The following PGGHG variants were observed in gnomAD, a reference collection of about 807,000 sequenced individuals.
PGGHG encodes ATH1, acid trehalase-like 1.
Under a neutral mutation model 74.5 loss-of-function variants are expected in PGGHG, and 67 were observed. That is an observed-to-expected ratio of 0.90 (90% confidence interval 0.74 to 1.10). The LOEUF (loss-of-function observed/expected upper bound fraction) is 1.10, where lower values mean the gene tolerates loss of function less well. Ranked by LOEUF, PGGHG falls within the 50% of genes least tolerant of loss-of-function variation. The pLI, the probability that PGGHG is intolerant of heterozygous loss-of-function variation, is 0.00. For missense variants in PGGHG, 1,034 were observed against 981.5 expected (o/e 1.05, Z -0.72); for synonymous variants, 496 against 419.9 (o/e 1.18, Z -2.21).
intron 2 of PGGHG, 130 bp downstream of exon 2, chr11:290,205 G>C (rs1304120522): frequency 8.6e-6 from 12 of 1,400,686 alleles, no homozygotes; most frequent in Non-Finnish European, 1.1e-5. Context: ...GGAGGCCCCA[G>C]AGGCCCGCAG....
In PGGHG at chr11:291,046, T is replaced by C. The variant is rs1318723418; in HGVS notation, c.839T>C (p.Leu280Pro). Reference sequence around the variant, plus strand: ...GCCCCAGGATACATCTGCCATGGCCTCAGTCCTGGGGGCCTCTCCAATGGG... The same window carrying C: ...GCCCCAGGATACATCTGCCATGGCCCCAGTCCTGGGGGCCTCTCCAATGGG... ...PKAPGYICHGLSPGGLSNGSR... is the reference protein window; with the variant it reads ...PKAPGYICHGPSPGGLSNGSR... The change falls in exon 4 of 14, where the codon CTC becomes CCC. Residue 280 changes from leucine to proline, a missense_variant. Transcript: ENST00000409548. 3 of 1,611,688 alleles carry C rather than the reference T, an allele frequency of 1.9e-6. No individual in the cohort carries two copies. Among genetic ancestry groups the C allele is most frequent in the Admixed American group, 1.7e-5 (1 of 59,934 alleles).
chr11:289,378 C>T lies in PGGHG; in HGVS notation c.-14+139C>T, dbSNP rs1845648691. 1 of 145,332 alleles carries T rather than the reference C, an allele frequency of 6.9e-6. No individual in the cohort carries two copies. The highest frequency in any genetic ancestry group is 2.2e-4 in the South Asian group (1 of 4,514). 9.0% of individuals were successfully genotyped at this position (145,332 alleles called of 1,614,324 possible). ...CCCGAGACCCCCACCCGCCCGGCGC[C>T]CCGGCAGCCCCGGACTCCCTCCCCC... On this transcript the variant is annotated intron_variant, in intron 1 of 13. Coordinates refer to ENST00000409548, the MANE Select transcript of PGGHG (RefSeq NM_025092.5). This position sits in a 1 kb window ranked among gnomAD's most constrained non-coding sequence, Gnocchi z 5.6.
chr11:294,274 C>A lies in PGGHG; in HGVS notation c.1816C>A (p.Arg606=). 6.2e-7 allele frequency: 1 copy of A among 1,604,308 alleles called. No homozygotes were observed. The highest frequency in any genetic ancestry group is 1.1e-5 in the South Asian group (1 of 89,618). ...VFGCTGFRVT[R]AGVTFDPVCL... is the part of the protein sequence containing the mutation. Reference sequence around the variant, plus strand: ...AAGCCTCTCCTCCCACAGGGTCACCCGAGCGGGTGTGACCTTTGACCCTGT... The same window carrying A: ...AAGCCTCTCCTCCCACAGGGTCACCAGAGCGGGTGTGACCTTTGACCCTGT... The change falls in exon 13 of 14, where the codon CGA becomes AGA. Residue 606 remains arginine, a synonymous_variant. Transcript: ENST00000409548.
rs778793805 is a variant in PGGHG, at chr11:294,645, A to G, written c.2110A>G (p.Arg704Gly). The G allele has an allele frequency of 6.3e-7, 1 of 1,598,396 alleles. No individual in the cohort carries two copies. Among genetic ancestry groups the G allele is most frequent in the Non-Finnish European group, 8.5e-7 (1 of 1,172,456 alleles). The change falls in exon 14 of 14, where the codon AGG (arginine) becomes GGG (glycine). Residue 704 changes from arginine to glycine, a missense_variant. Coordinates refer to ENST00000409548, the MANE Select transcript of PGGHG (RefSeq NM_025092.5). ...AAGTTCCAGCTCCGAGTTCCCTGGG[A>G]GGACTTTTTCAGATGTTAGGGACCC... ...PGSSSSEFPG[R>G]TFSDVRDPLQ...
At chr11:291,887 G>A (rs963068993) in intron 4 of PGGHG, 89 bp from the exon 5 acceptor site, 40 of 1,484,672 alleles carry the variant, frequency 2.7e-5, no homozygotes, top group Admixed American at 2.2e-4. Context: ...AGACGCCAGC[G>A]ATGGAGCTCT....
Position 289,430 on chromosome 11 carries a change from C to T in PGGHG, c.-14+191C>T, listed in dbSNP as rs1845650655. 1 of 163,084 alleles carries T rather than the reference C, an allele frequency of 6.1e-6. No homozygotes were observed. Among genetic ancestry groups the T allele is most frequent in the Non-Finnish European group, 1.3e-5 (1 of 74,946 alleles). The allele number at this position is 163,084 out of a possible 1,614,324, so 10.1% of individuals were successfully genotyped here. On this transcript the variant is annotated intron_variant, in intron 1 of 13. Transcript: ENST00000409548. This position sits in a 1 kb window ranked among gnomAD's most constrained non-coding sequence, Gnocchi z 5.6. Reference sequence around the variant, plus strand: ...TCCCGCCCAGCGCTCCCCCCACCCTCCACACACGCCCGCCCCCACGTGCCA... The same window carrying T: ...TCCCGCCCAGCGCTCCCCCCACCCTTCACACACGCCCGCCCCCACGTGCCA...
Position 294,278 on chromosome 11 carries a change from C to T in PGGHG, c.1820C>T (p.Ala607Val), listed in dbSNP as rs200256618. 1.4e-5 allele frequency: 22 copies of T among 1,606,006 alleles called. No homozygotes were observed. The highest frequency in any genetic ancestry group is 1.3e-4 in the South Asian group (12 of 89,914). The change falls in exon 13 of 14, where the codon GCG (alanine) becomes GTG (valine). Residue 607 changes from alanine (A) to valine (V), a missense_variant. Ala to Val is a moderately conservative substitution (Grantham distance 64). Transcript: ENST00000409548. ...FGCTGFRVTR[A>V]GVTFDPVCLS... ...CTCTCCTCCCACAGGGTCACCCGAG[C>T]GGGTGTGACCTTTGACCCTGTGTGT...
Position 293,511 on chromosome 11 carries a change from A to G in PGGHG, c.1480+9A>G. 1.2e-6 allele frequency: 2 copies of G among 1,611,102 alleles called. No homozygotes were observed. Among genetic ancestry groups the G allele is most frequent in the Non-Finnish European group, 8.5e-7 (1 of 1,179,812 alleles). On this transcript the variant is annotated intron_variant, in intron 9 of 13. Transcript: ENST00000409548. ...CGATGGGTATGAGCCTGGTGAGTGG[A>G]CCCCTTCAAGGGCTCCTCCCCTGCC...
chr11:291,518 C>T, intron 4 of PGGHG: 1 of 253,386 alleles, frequency 3.9e-6, no homozygotes, highest in African/African-American at 2.2e-5. Context: ...GTACTGGAGG[C>T]CGACGGGGGT....
Position 294,255 on chromosome 11 carries a change from C to G in PGGHG, c.1809-12C>G, listed in dbSNP as rs1409424708. 1.3e-6 allele frequency: 2 copies of G among 1,597,330 alleles called. No individual in the cohort carries two copies. On this transcript the variant is annotated splice_polypyrimidine_tract_variant and intron_variant, in intron 12 of 13. Transcript: ENST00000409548. ...CCCCCACCTGCCACCTCACAAGCCT[C>G]TCCTCCCACAGGGTCACCCGAGCGG...
Position 290,870 on chromosome 11 carries a change from G to T in PGGHG, c.663G>T (p.Leu221=). 1 of 1,611,400 alleles carries T rather than the reference G, an allele frequency of 6.2e-7. No individual in the cohort carries two copies. Among genetic ancestry groups the T allele is most frequent in the Non-Finnish European group, 8.5e-7 (1 of 1,179,158 alleles). ...CCTGCCTCACTGAGGCCCTGCAGCTGCAGGCCAGGGGAGCTCTGTATACGG... is the reference window on the plus strand; with the variant it reads ...CCTGCCTCACTGAGGCCCTGCAGCTTCAGGCCAGGGGAGCTCTGTATACGG... The part of the protein sequence containing the change: ...AQACLTEALQ[L]QARGALYTAH... The change falls in exon 4 of 14, where the codon CTG becomes CTT. Residue 221 remains leucine, a synonymous_variant. Coordinates refer to ENST00000409548, the MANE Select transcript of PGGHG (RefSeq NM_025092.5).
At position 294,418 on chromosome 11, in the gene PGGHG, T is replaced by TG. The variant is rs1385011083; in HGVS notation, c.1963dup (p.Ala655GlyfsTer7). 2 of 1,578,392 alleles carry TG rather than the reference T, an allele frequency of 1.3e-6. No homozygotes were observed. Among genetic ancestry groups the TG allele is most frequent in the Non-Finnish European group, 1.7e-6 (2 of 1,160,650 alleles). ...GGAGGTCACAGCTCGAGCAGGGCCC[T>TG]GGGCTCCTCACCTGGAGGCTGAGCT... On this transcript the variant is annotated frameshift_variant, in exon 13 of 14. Coordinates refer to ENST00000409548, the MANE Select transcript of PGGHG (RefSeq NM_025092.5). LOFTEE classifies it high-confidence loss of function.
At chr11:293,998 A>G in intron 11 of PGGHG, 73 bp downstream of exon 11, 4 of 1,587,174 alleles carry the variant, frequency 2.5e-6, no homozygotes, top group African/African-American at 1.3e-5. Context: ...GAGCAGGCAC[A>G]GCAGGGTGCA....
chr11:293,466 C>G lies in PGGHG; in HGVS notation c.1444C>G (p.Gln482Glu), dbSNP rs781251013. 9.9e-6 allele frequency: 16 copies of G among 1,611,758 alleles called. No individual in the cohort carries two copies. The highest frequency in any genetic ancestry group is 1.3e-5 in the Non-Finnish European group (15 of 1,180,022). The change falls in exon 9 of 14, where the codon CAG (glutamine) becomes GAG (glutamate). Residue 482 changes from glutamine (Q) to glutamate (E), a missense_variant. Coordinates refer to ENST00000409548, the MANE Select transcript of PGGHG (RefSeq NM_025092.5). ...DKIKVPFDVE[Q>E]NFHPEFDGYE... ...GATCAAGGTACCCTTTGACGTGGAG[C>G]AGAACTTCCACCCGGAGTTCGATGG...
chr11:293,045 C>T (rs748932118), intron 7 of PGGHG, 48 bp downstream of exon 7: 4 of 1,613,838 alleles, frequency 2.5e-6, no homozygotes, highest in Admixed American at 3.3e-5. Flanking sequence ...TGGATGCTCC[C>T]AGACTCAGCA....
rs777823440 is a variant in PGGHG, at chr11:294,169, C to T, written c.1781C>T (p.Ala594Val). ...ACAGGCATGGGGGGCTTCCTGCAGG[C>T]GGTGGTCTTCGGGTGCACGGGGTTC... Reference protein sequence around the residue: ...FLTGMGGFLQAVVFGCTGFRV... With the variant: ...FLTGMGGFLQVVVFGCTGFRV... Residue 594 changes from alanine (A) to valine (V), a missense_variant, in exon 12 of 14, where the codon GCG becomes GTG. Transcript: ENST00000409548. 44 of 1,612,132 alleles carry T rather than the reference C, an allele frequency of 2.7e-5. No individual in the cohort carries two copies. Among genetic ancestry groups the T allele is most frequent in the South Asian group, 5.5e-5 (5 of 90,840 alleles).
chr11:295,736 A>G lies in PGGHG; in HGVS notation c.*987A>G, dbSNP rs543935319. 1 of 152,374 alleles carries G rather than the reference A, an allele frequency of 6.6e-6. No individual in the cohort carries two copies. Among genetic ancestry groups the G allele is most frequent in the East Asian group, 1.9e-4 (1 of 5,184 alleles). The allele number at this position is 152,374 out of a possible 1,614,324, so 9.4% of individuals were successfully genotyped here. On this transcript the variant is annotated 3_prime_UTR_variant, in exon 14 of 14. Coordinates refer to ENST00000409548, the MANE Select transcript of PGGHG (RefSeq NM_025092.5). ...AAGTGAGGGCCGTGCCCCGGGTCCC[A>G]TTTCTCCTTTCACTTGAGTCGGGAA...
chr11:292,976 G>A lies in PGGHG; in HGVS notation c.1249G>A (p.Glu417Lys). 6 of 1,612,870 alleles carry A rather than the reference G, an allele frequency of 3.7e-6. No homozygotes were observed. The highest frequency in any genetic ancestry group is 5.1e-6 in the Non-Finnish European group (6 of 1,179,600). Residue 417 changes from glutamate (E) to lysine (K), a missense_variant, in exon 7 of 14, where the codon GAG becomes AAG. Glu to Lys is a moderately conservative substitution (Grantham distance 56, BLOSUM62 1). Transcript: ENST00000409548. ...WCSRVEWSPR[E>K]EKYHLRGVMS... ...CAGTCGTGTTGAGTGGAGCCCCAGGGAGGAAAAGTACCACCTGAGGGGTGA... is the reference window on the plus strand; with the variant it reads ...CAGTCGTGTTGAGTGGAGCCCCAGGAAGGAAAAGTACCACCTGAGGGGTGA...
chr11:291,131 A>G lies in PGGHG; in HGVS notation c.906+18A>G. ...GGGACCAGGTGAGCACTGTACACCC[A>G]GCACCAGCCACACAGCAGGCGACAC... is the stretch of plus-strand genomic sequence containing the variant. On this transcript the variant is annotated intron_variant, in intron 4 of 13. Transcript: ENST00000409548. 1.3e-6 allele frequency: 2 copies of G among 1,539,140 alleles called. No individual in the cohort carries two copies. The highest frequency in any genetic ancestry group is 1.8e-4 in the Middle Eastern group (1 of 5,694).
Sources: allele counts gnomAD v4.1 joint callset, GRCh38; gene constraint gnomAD v4.1.1; non-coding constraint Gnocchi (gnomAD v3.1); transcripts MANE v1.5; gene names NCBI Gene and HGNC (gene_info 2026-07-23, HGNC 2026-07-21).